Variants in VPS13B observed in about 807,000 individuals in gnomAD.
VPS13B encodes intermembrane lipid transfer protein VPS13B.
A neutral mutation model predicts 426.4 loss-of-function variants in VPS13B; 285 were observed. That is an observed-to-expected ratio of 0.67 (90% confidence interval 0.61 to 0.74). The LOEUF is 0.74. VPS13B is among the 30% of genes least tolerant of loss of function. The pLI is 0.00. For synonymous variants in VPS13B, 1,676 were observed against 1,676.4 expected, an observed-to-expected ratio of 1.00 and a Z score of 0.01; for missense variants, 4,537 against 4,782.6, an observed-to-expected ratio of 0.95 and a Z score of 1.51.
intron 21 of VPS13B, among the ~76,000 whole-genome samples, chr8:99,419,957 A>C (rs1816280142): frequency 6.6e-6 from 1 of 152,180 alleles, no homozygotes; most frequent in Non-Finnish European, 1.5e-5. Flanking sequence ...TACTGAATAA[A>C]GTCCATAAAC....
At chr8:99,520,711 G>A (rs1822337446) in intron 29 of VPS13B, among the ~76,000 whole-genome samples, 188 bp from the exon 30 acceptor site, 1 of 151,872 alleles carries the variant, frequency 6.6e-6, no homozygotes, top group African/African-American at 2.4e-5. Flanking sequence ...CACTTAATGG[G>A]TATTAACAGA....
Position 99,328,338 on chromosome 8 carries a change from A to G in VPS13B, c.2824+53084A>G, listed in dbSNP as rs898431170. ...GGAGTGCTGATAGAAAGGATTTATT[A>G]TAAAGATTTCTCCATACTCAATTGT... On this transcript the variant is annotated intron_variant, in intron 19 of 61. Transcript: ENST00000357162. 2.0e-4 allele frequency among the ~76,000 whole-genome samples: 31 copies of G among 152,194 alleles called. 1 individual carries two copies. The highest frequency in any genetic ancestry group is 6.8e-4 in the African/African-American group (28 of 41,440).
intron 17 of VPS13B, among the ~76,000 whole-genome samples, chr8:99,260,998 G>A (rs1269652016): frequency 6.6e-6 from 1 of 151,674 alleles, no homozygotes; most frequent in Non-Finnish European, 1.5e-5. Context: ...CAGTACAATT[G>A]AGAAGAAGAT....
chr8:99,651,134 A>C (rs1227991543), intron 34 of VPS13B, among the ~76,000 whole-genome samples: 4 of 152,124 alleles, frequency 2.6e-5, no homozygotes, highest in Admixed American at 2.0e-4. Flanking sequence ...ATGACTTTAA[A>C]CATATACATT....
intron 17 of VPS13B, among the ~76,000 whole-genome samples, chr8:99,246,155 G>A (rs896196498): frequency 1.3e-5 from 2 of 152,220 alleles, no homozygotes; most frequent in African/African-American, 4.8e-5. Context: ...AGTTTTAACT[G>A]TAGGGCTTAA....
intron 36 of VPS13B, among the ~76,000 whole-genome samples, chr8:99,704,683 C>CAGCT (rs1269150199): frequency 1.3e-5 from 2 of 152,096 alleles, no homozygotes; most frequent in Admixed American, 1.3e-4. Flanking sequence ...AGCTTGTAGA[C>CAGCT]AGCTATACAA....
At chr8:99,663,029 C>G (rs1250611961) in intron 35 of VPS13B, among the ~76,000 whole-genome samples, 1 of 152,098 alleles carries the variant, frequency 6.6e-6, no homozygotes, top group Non-Finnish European at 1.5e-5. Context: ...TGCGCTCCAG[C>G]TTGGGCAACA....
chr8:99,073,699 C>CTTTTTT (rs71273160), intron 3 of VPS13B, among the ~76,000 whole-genome samples: 1 of 83,572 alleles, frequency 1.2e-5, no homozygotes, highest in African/African-American at 4.6e-5. Context: ...ATTTTCTTTC[C>CTTTTTT]TTTTTTTTTT....
chr8:99,326,464 T>TTTTTTTTTA (rs1810278452), intron 19 of VPS13B, among the ~76,000 whole-genome samples: 1 of 123,920 alleles, frequency 8.1e-6, no homozygotes, highest in Non-Finnish European at 1.7e-5. Context: ...TTTTTTTTTT[T>TTTTTTTTTA]TTTTTTTTTT....
At chr8:99,221,696 G>A (rs918081013) in intron 17 of VPS13B, among the ~76,000 whole-genome samples, 2 of 152,080 alleles carry the variant, frequency 1.3e-5, no homozygotes, top group Non-Finnish European at 2.9e-5. Flanking sequence ...AGACACACAA[G>A]GAAATCAGTA....
intron 3 of VPS13B, among the ~76,000 whole-genome samples, chr8:99,087,545 C>T (rs907129967): frequency 6.6e-6 from 1 of 151,580 alleles, no homozygotes; most frequent in Non-Finnish European, 1.5e-5. Context: ...TCTTCTGCAT[C>T]GCTCATGTTG....
Position 99,779,034 on chromosome 8 carries a change from A to G in VPS13B, c.7779+3A>G, listed in dbSNP as rs201676935. On this transcript the variant is annotated splice_donor_region_variant and intron_variant, in intron 42 of 61. Transcript: ENST00000357162. ...CTGCAATACAAGCTTGGCAACAGGT[A>G]TGCACATTCCATAACAGTTTACAGT... The G allele has an allele frequency of 3.1e-6, 5 of 1,612,310 alleles. No homozygotes were observed. The highest frequency in any genetic ancestry group is 1.1e-5 in the South Asian group (1 of 90,836).
At chr8:99,511,569 A>C in intron 29 of VPS13B, 57 bp downstream of exon 29, 3 of 1,549,102 alleles carry the variant, frequency 1.9e-6, no homozygotes, top group South Asian at 1.2e-5. Context: ...TAGAGACCTT[A>C]GTTTTCTGGG....
chr8:99,850,458 ACT>A (rs1816228152), intron 55 of VPS13B, among the ~76,000 whole-genome samples: 1 of 152,146 alleles, frequency 6.6e-6, no homozygotes, highest in Admixed American at 6.5e-5. Context: ...AAAGAAAAAA[ACT>A]CAAAATTGGT....
At chr8:99,718,934 T>C (rs576824819) in intron 37 of VPS13B, among the ~76,000 whole-genome samples, 3 of 152,166 alleles carry the variant, frequency 2.0e-5, no homozygotes, top group South Asian at 2.1e-4. Context: ...GCATGAGCCA[T>C]ACATAGCACC....
At chr8:99,259,465 G>A (rs73285958) in intron 17 of VPS13B, among the ~76,000 whole-genome samples, 2,530 of 152,134 alleles carry the variant, frequency 0.017, 66 homozygotes, top group African/African-American at 0.058. Context: ...TACCAGAAGG[G>A]AGTGTGGGCA....
At chr8:99,792,885 G>A (rs1349269478) in intron 43 of VPS13B, among the ~76,000 whole-genome samples, 1 of 151,846 alleles carries the variant, frequency 6.6e-6, no homozygotes, top group Non-Finnish European at 1.5e-5. Flanking sequence ...TGCTAAATTA[G>A]TGCTAATTTG....
At chr8:99,291,356 C>A (rs1819724455) in intron 19 of VPS13B, among the ~76,000 whole-genome samples, 2 of 151,966 alleles carry the variant, frequency 1.3e-5, no homozygotes, top group Admixed American at 6.6e-5. Context: ...TTTCTACGTG[C>A]CAGGAATTAT....
intron 36 of VPS13B, among the ~76,000 whole-genome samples, chr8:99,706,700 CAT>C (rs1832513826): frequency 6.6e-6 from 1 of 152,184 alleles, no homozygotes; most frequent in South Asian, 2.1e-4. Flanking sequence ...ACATTGGACA[CAT>C]AATTCCAGCC....
Sources: gnomAD v4.1 joint callset for allele counts (sites outside exome capture counted in the v4.1 genomes callset) on GRCh38, gnomAD v4.1.1 for gene constraint, MANE v1.5 for transcripts, NCBI Gene and HGNC (gene_info 2026-07-23, HGNC 2026-07-21) for gene names.